The following PPM1L variants were observed in gnomAD, a reference collection of about 807,000 sequenced individuals.
PPM1L encodes the protein protein phosphatase 1L.
Under a neutral mutation model 31.4 loss-of-function variants are expected in PPM1L, and 13 were observed. The ratio of observed to expected loss-of-function variants is 0.41; its 90% confidence interval spans 0.27 to 0.66. The LOEUF is 0.66. Among genes scored for constraint, PPM1L ranks in the 30% least tolerant of loss-of-function variants. PPM1L has a pLI of 0.29. For synonymous variants in PPM1L, 184 were observed against 175.4 expected (o/e 1.05, Z -0.39); for missense variants, 326 against 453.7 (o/e 0.72, Z 2.56).
chr3:161,008,236 A>T (rs556611160), intron 2 of PPM1L, among the ~76,000 whole-genome samples: 1 of 152,358 alleles, frequency 6.6e-6, no homozygotes, highest in South Asian at 2.1e-4. Flanking sequence ...TTAGGCCATA[A>T]GACCGCCATT....
rs149139338 is a variant in PPM1L at position 160,873,400 on chromosome 3, A to G, written c.400-88336A>G. On this transcript the variant is annotated intron_variant, in intron 1 of 3. Transcript: ENST00000498165. The stretch of plus-strand genomic sequence containing the variant: ...CTGGGAAAATTTTGTTCTGAATTCA[A>G]AACGGCTGACTTATAGGTAGACTAT... 5.7e-3 allele frequency among the ~76,000 whole-genome samples: 862 copies of G among 152,344 alleles called. 3 individuals carry two copies. The highest frequency in any genetic ancestry group is 0.031 in the Middle Eastern group (9 of 294).
At chr3:160,827,538 C>T (rs1027908411) in intron 1 of PPM1L, among the ~76,000 whole-genome samples, 3 of 150,238 alleles carry the variant, frequency 2.0e-5, no homozygotes, top group Admixed American at 6.7e-5. Context: ...CTGGGGAAAA[C>T]GTGTGCATAC....
rs1211553143 is a variant in PPM1L at position 160,795,912 on chromosome 3, T to C, written c.399+39205T>C. 2.6e-5 allele frequency among the ~76,000 whole-genome samples: 4 copies of C among 152,284 alleles called. No homozygotes were observed. In the South Asian group the frequency reaches 8.3e-4, roughly 32 times the overall value. ...ATCTCATAGTGGCTTTGCAAACCAGTGCTCAGTGCTACTGATTTCAACTAG... is the reference window on the plus strand; with the variant it reads ...ATCTCATAGTGGCTTTGCAAACCAGCGCTCAGTGCTACTGATTTCAACTAG... On this transcript the variant is annotated intron_variant, in intron 1 of 3. Transcript: ENST00000498165.
At chr3:161,030,498 A>G (rs1208931466) in intron 2 of PPM1L, among the ~76,000 whole-genome samples, 30 of 152,308 alleles carry the variant, frequency 2.0e-4, no homozygotes, top group Non-Finnish European at 2.9e-5. Context: ...ATTTTCTGTT[A>G]TCTATAAATC....
At chr3:160,848,556 G>A (rs1423709930) in intron 1 of PPM1L, among the ~76,000 whole-genome samples, 1 of 152,194 alleles carries the variant, frequency 6.6e-6, no homozygotes, top group Non-Finnish European at 1.5e-5. Flanking sequence ...GTGTTTGTTA[G>A]TGTCCGCAGG....
intron 2 of PPM1L, among the ~76,000 whole-genome samples, chr3:160,977,790 A>T: frequency 6.6e-6 from 1 of 152,178 alleles, no homozygotes; most frequent in East Asian, 1.9e-4. Flanking sequence ...AATTTCTCCT[A>T]AGCTTTCTGA....
intron 1 of PPM1L, among the ~76,000 whole-genome samples, chr3:160,849,817 G>A (rs1714207955): frequency 6.6e-6 from 1 of 152,176 alleles, no homozygotes; most frequent in African/African-American, 2.4e-5. Context: ...GCCTGCCTCA[G>A]CCTCCCAAAG....
intron 1 of PPM1L, among the ~76,000 whole-genome samples, chr3:160,945,071 T>TTATATATAACTATATATATATATATATA (rs1559897678): frequency 2.4e-5 from 3 of 122,674 alleles, no homozygotes; most frequent in African/African-American, 9.0e-5. Flanking sequence ...ATATAACATG[T>TTATATATAACTATATATATATATATATA]TATATATAAC....
intron 1 of PPM1L, among the ~76,000 whole-genome samples, chr3:160,948,207 T>A (rs1487472978): frequency 1.3e-5 from 2 of 152,172 alleles, no homozygotes; most frequent in African/African-American, 4.8e-5. Context: ...CTCTGTAAGG[T>A]TCATGAACTG....
chr3:161,035,119 T>G (rs1194433938), intron 2 of PPM1L, among the ~76,000 whole-genome samples: 1 of 151,654 alleles, frequency 6.6e-6, no homozygotes, highest in East Asian at 1.9e-4. Context: ...AGATGACTAG[T>G]TGATGAGTGC....
rs560219441 is a variant in PPM1L at position 160,783,332 on chromosome 3, G to T, written c.399+26625G>T. Among the ~76,000 whole-genome samples the T allele has an allele frequency of 1.2e-3, 185 of 152,344 alleles. 2 individuals are homozygous for T. The highest frequency in any genetic ancestry group is 4.3e-3 in the African/African-American group (178 of 41,572). ...TAAATAATGGAGGCTGGGTGCGGTG[G>T]CTCACGCCTGTAATCCCAGCATTTT... is the stretch of plus-strand genomic sequence containing the variant. On this transcript the variant is annotated intron_variant, in intron 1 of 3. Coordinates refer to ENST00000498165, the MANE Select transcript of PPM1L (RefSeq NM_139245.4).
intron 1 of PPM1L, among the ~76,000 whole-genome samples, chr3:160,942,494 A>G (rs1190969899): frequency 1.3e-5 from 2 of 152,194 alleles, no homozygotes; most frequent in South Asian, 2.1e-4. Flanking sequence ...GTGGCAATTT[A>G]TGTGATTTAA....
At chr3:160,794,195 T>C (rs1004542543) in intron 1 of PPM1L, among the ~76,000 whole-genome samples, 2 of 152,220 alleles carry the variant, frequency 1.3e-5, no homozygotes, top group African/African-American at 4.8e-5. Flanking sequence ...AGCCAACTTT[T>C]GGCTTATGGA....
At chr3:161,061,514 A>G (rs1719567824) in intron 2 of PPM1L, among the ~76,000 whole-genome samples, 1 of 152,226 alleles carries the variant, frequency 6.6e-6, no homozygotes, top group African/African-American at 2.4e-5. Context: ...TCATGTCCAT[A>G]GGTTGTACAT....
chr3:160,815,505 A>T (rs1712965929), intron 1 of PPM1L, among the ~76,000 whole-genome samples: 1 of 152,144 alleles, frequency 6.6e-6, no homozygotes, highest in African/African-American at 2.4e-5. Flanking sequence ...TTATTAGCAT[A>T]TTAAAGGTGC....
chr3:160,824,501 G>T (rs1221641759), intron 1 of PPM1L, among the ~76,000 whole-genome samples: 3 of 152,180 alleles, frequency 2.0e-5, no homozygotes, highest in Non-Finnish European at 2.9e-5. Flanking sequence ...TGAGGGAAAG[G>T]TCATAGGCTG....
intron 2 of PPM1L, among the ~76,000 whole-genome samples, chr3:160,991,276 T>G (rs1474703211): frequency 6.6e-6 from 1 of 152,186 alleles, no homozygotes; most frequent in African/African-American, 2.4e-5. Context: ...TGAATGTTTT[T>G]GGTTCCTTTT....
intron 1 of PPM1L, among the ~76,000 whole-genome samples, chr3:160,920,160 T>C (rs1714337568): frequency 6.6e-6 from 1 of 152,180 alleles, no homozygotes; most frequent in Admixed American, 6.6e-5. Context: ...CTCTTGTCTC[T>C]GCAGGCGGGC....
intron 1 of PPM1L, among the ~76,000 whole-genome samples, chr3:160,770,371 A>G (rs1232713996): frequency 1.3e-5 from 2 of 152,228 alleles, no homozygotes; most frequent in African/African-American, 4.8e-5. Context: ...GGGAATGTAA[A>G]AATGCCTTCA....
Sources: gnomAD v4.1 joint callset for allele counts (sites outside exome capture counted in the v4.1 genomes callset) on GRCh38, gnomAD v4.1.1 for gene constraint, MANE v1.5 for transcripts, NCBI Gene and HGNC (gene_info 2026-07-23, HGNC 2026-07-21) for gene names.